The following SPOP variants were observed in gnomAD, a reference collection of about 807,000 sequenced individuals.
SPOP encodes speckle-type POZ protein.
Under a neutral mutation model 45.6 loss-of-function variants are expected in SPOP, and 11 were observed. The observed-to-expected ratio is 0.24, with a 90% CI of 0.15 to 0.40. The LOEUF (loss-of-function observed/expected upper bound fraction) is 0.40. Ranked by LOEUF, SPOP falls within the 10% of genes least tolerant of loss-of-function variation. SPOP has a pLI of 1.00. For missense variants in SPOP, 152 were observed against 465.6 expected (o/e 0.33, Z 6.20); for synonymous variants, 166 against 166.3 (o/e 1.00, Z 0.01).
At position 49,601,900 on chromosome 17, in the gene SPOP, A is replaced by G. The variant is rs762562177; in HGVS notation, c.945T>C (p.Asp315=). The G allele has an allele frequency of 6.2e-7, 1 of 1,614,170 alleles. No individual in the cohort carries two copies. The highest frequency in any genetic ancestry group is 2.2e-5 in the East Asian group (1 of 44,888). ...AATCCACTGCCTGAGTTTTCAACTG[A>G]TCTGCACTGTGGAGGTCGGCCAGGA... is the stretch of plus-strand genomic sequence containing the variant. The part of the protein sequence containing the change: ...ILILADLHSA[D]QLKTQAVDFI... The change falls in exon 9 of 10, where the codon GAT becomes GAC. Residue 315 remains aspartate, a synonymous_variant. Coordinates refer to ENST00000504102, the MANE Select transcript of SPOP (RefSeq NM_001007228.2).
In SPOP at chr17:49,650,631, G is replaced by A. The variant is rs117828768; in HGVS notation, c.-67+27302C>T. 8.8e-3 allele frequency among the ~76,000 whole-genome samples: 1,343 copies of A among 152,268 alleles called. 21 individuals carry two copies. Among genetic ancestry groups the A allele is most frequent in the East Asian group, 0.072 (376 of 5,190 alleles). On this transcript the variant is annotated intron_variant, in intron 1 of 9. Coordinates refer to ENST00000504102, the MANE Select transcript of SPOP (RefSeq NM_001007228.2). The stretch of plus-strand genomic sequence containing the variant: ...AATAAGTAGAAAAACAAAAAGTAGA[G>A]ATATGAGTATTTTTGGAGATGAAGA...
intron 5 of SPOP, among the ~76,000 whole-genome samples, chr17:49,618,315 T>TA (rs1182630298): frequency 1.3e-5 from 2 of 152,196 alleles, no homozygotes; most frequent in Non-Finnish European, 2.9e-5. Flanking sequence ...ATATACTCAT[T>TA]AAAGAAACCA....
chr17:49,666,302 G>A (rs911459193), intron 1 of SPOP, among the ~76,000 whole-genome samples: 6 of 151,524 alleles, frequency 4.0e-5, no homozygotes, highest in Admixed American at 3.9e-4. Context: ...AAAAAAAAAA[G>A]TGATCTCTAC....
chr17:49,605,865 G>A (rs1483101094), intron 8 of SPOP, among the ~76,000 whole-genome samples: 1 of 150,788 alleles, frequency 6.6e-6, no homozygotes, highest in African/African-American at 2.4e-5. Flanking sequence ...GCGGGCGCCT[G>A]TAATCCCAGC....
At chr17:49,675,782 G>A (rs2073191348) in intron 1 of SPOP, 2 of 152,228 alleles carry the variant, frequency 1.3e-5, no homozygotes, top group African/African-American at 2.4e-5. Flanking sequence ...CACTTTGGGA[G>A]GCCAAGGCGG....
chr17:49,665,254 T>C (rs952135707), intron 1 of SPOP, among the ~76,000 whole-genome samples: 4 of 152,170 alleles, frequency 2.6e-5, no homozygotes, highest in Admixed American at 1.3e-4. Context: ...AATTTTTCTT[T>C]TCTTTAGGAA....
chr17:49,644,551 T>C (rs2072719007), intron 1 of SPOP, among the ~76,000 whole-genome samples: 1 of 151,618 alleles, frequency 6.6e-6, no homozygotes, highest in Non-Finnish European at 1.5e-5. Context: ...TAATGGGGGG[T>C]AAAAAGGAAA....
At chr17:49,641,283 A>C (rs2072644464) in intron 1 of SPOP, among the ~76,000 whole-genome samples, 1 of 150,776 alleles carries the variant, frequency 6.6e-6, no homozygotes, top group Non-Finnish European at 1.5e-5. Flanking sequence ...AAAAAAAAAA[A>C]AAAAAAAGCA....
intron 5 of SPOP, among the ~76,000 whole-genome samples, chr17:49,614,168 C>G (rs1272871113): frequency 6.6e-6 from 1 of 152,058 alleles, no homozygotes; most frequent in Non-Finnish European, 1.5e-5. Context: ...ATAATTAAAA[C>G]AATCTAGGAA....
intron 1 of SPOP, among the ~76,000 whole-genome samples, chr17:49,644,463 A>C (rs1317252246): frequency 6.6e-6 from 1 of 152,228 alleles, no homozygotes; most frequent in Non-Finnish European, 1.5e-5. Context: ...GAAGAGGAGA[A>C]GGAAGAAGAA....
intron 1 of SPOP, among the ~76,000 whole-genome samples, chr17:49,670,225 T>C (rs2073120113): frequency 6.6e-6 from 1 of 152,236 alleles, no homozygotes; most frequent in South Asian, 2.1e-4. Flanking sequence ...CAAGAATGTG[T>C]ACTTTAGAAT....
chr17:49,675,060 T>C (rs923701854), intron 1 of SPOP, among the ~76,000 whole-genome samples: 1 of 152,232 alleles, frequency 6.6e-6, no homozygotes, highest in African/African-American at 2.4e-5. Flanking sequence ...CTGGCAGGAA[T>C]ATAAATTCAT....
intron 5 of SPOP, chr17:49,618,558 A>C (rs561439726): frequency 2.2e-6 from 1 of 456,932 alleles, no homozygotes; most frequent in South Asian, 1.5e-5. Flanking sequence ...AACTCTTGAT[A>C]AGAATCTAGT....
At chr17:49,610,085 A>C (rs758674429) in intron 6 of SPOP, among the ~76,000 whole-genome samples, 1 of 152,112 alleles carries the variant, frequency 6.6e-6, no homozygotes, top group Non-Finnish European at 1.5e-5. Flanking sequence ...AAGGAGTTAA[A>C]GAGTGGTTAA....
At chr17:49,656,925 T>C (rs897351368) in intron 1 of SPOP, among the ~76,000 whole-genome samples, 6 of 152,100 alleles carry the variant, frequency 3.9e-5, no homozygotes, top group Non-Finnish European at 8.8e-5. Context: ...CTCACGCCTG[T>C]AATCCCAGCA....
In SPOP at chr17:49,665,649, GACACACACACACACACACAC is replaced by G. The variant is rs71352530; in HGVS notation, c.-67+12264_-67+12283del. Reference sequence around the variant, plus strand: ...CAAAAAAAGATTATATATATATACAGACACACACACACACACACACACACACACACACACACACACACACA... The same window carrying G: ...CAAAAAAAGATTATATATATATACAGACACACACACACACACACACACACA... On this transcript the variant is annotated intron_variant, in intron 1 of 9. Coordinates refer to ENST00000504102, the MANE Select transcript of SPOP (RefSeq NM_001007228.2). 1.0e-4 allele frequency among the ~76,000 whole-genome samples: 13 copies of G among 126,790 alleles called. No homozygotes were observed. The East Asian group carries it at 1.4e-3, about 14-fold the overall frequency. 83.2% of individuals were successfully genotyped at this position (126,790 alleles called of 152,430 possible). A position where few individuals can be genotyped will look rare whatever the true frequency, so the allele number is the denominator to read the frequency against.
chr17:49,622,943 A>C, intron 1 of SPOP, 67 bp from the exon 2 acceptor site: 1 of 723,914 alleles, frequency 1.4e-6, no homozygotes. Flanking sequence ...CTATTGTTTG[A>C]CCTGATAGAG....
At chr17:49,633,939 G>A (rs1318428891) in intron 1 of SPOP, among the ~76,000 whole-genome samples, 1 of 151,780 alleles carries the variant, frequency 6.6e-6, no homozygotes, top group African/African-American at 2.4e-5. Flanking sequence ...ACAAGATCTG[G>A]GTTAATACCA....
At chr17:49,651,317 G>T (rs2072840839) in intron 1 of SPOP, among the ~76,000 whole-genome samples, 1 of 152,142 alleles carries the variant, frequency 6.6e-6, no homozygotes, top group Admixed American at 6.5e-5. Flanking sequence ...ACACAAAATT[G>T]ACTTCCCTCA....
Sources: gnomAD v4.1 joint callset for allele counts (sites outside exome capture counted in the v4.1 genomes callset) on GRCh38, gnomAD v4.1.1 for gene constraint, MANE v1.5 for transcripts, NCBI Gene and HGNC (gene_info 2026-07-23, HGNC 2026-07-21) for gene names.